ALPL: variants seen among roughly 807,000 people sequenced by gnomAD.
ALPL encodes alkaline phosphatase, tissue-nonspecific isozyme.
In ALPL, 42 loss-of-function variants were observed where a neutral mutation model predicts 51.3. That is an observed-to-expected ratio of 0.82 (90% CI 0.64 to 1.06). The LOEUF is 1.06. Ranked by LOEUF, ALPL falls within the 50% of genes least tolerant of loss-of-function variation. ALPL has a pLI of 0.00. For synonymous variants in ALPL, 279 were observed against 296.4 expected, an observed-to-expected ratio of 0.94 and a Z score of 0.60; for missense variants, 589 against 709.4, an observed-to-expected ratio of 0.83 and a Z score of 1.93.
intron 5 of ALPL, 88 bp downstream of exon 5, chr1:21,563,372 GA>G (rs999836444): frequency 2.1e-4 from 304 of 1,466,448 alleles, no homozygotes; most frequent in Non-Finnish European, 2.5e-4. Flanking sequence ...GAAGGGGCTA[GA>G]AAAGGCTTCT....
At chr1:21,539,095 C>T (rs1320776207) in intron 1 of ALPL, among the ~76,000 whole-genome samples, 2 of 152,190 alleles carry the variant, frequency 1.3e-5, no homozygotes, top group Non-Finnish European at 2.9e-5. Context: ...GCAGAGAGGG[C>T]AAATGGTGGT....
At chr1:21,519,347 C>T (rs545135760) in intron 1 of ALPL, among the ~76,000 whole-genome samples, 3 of 152,236 alleles carry the variant, frequency 2.0e-5, no homozygotes, top group Admixed American at 6.5e-5. Flanking sequence ...GCGGGGCCCG[C>T]GGCCTCTGCG....
chr1:21,513,341 G>A (rs1479127618), intron 1 of ALPL, among the ~76,000 whole-genome samples: 1 of 152,126 alleles, frequency 6.6e-6, no homozygotes, highest in Non-Finnish European at 1.5e-5. Context: ...TGAATTTGGT[G>A]TGTTTCATTT....
At chr1:21,511,745 C>T (rs1370845060) in intron 1 of ALPL, among the ~76,000 whole-genome samples, 1 of 152,206 alleles carries the variant, frequency 6.6e-6, no homozygotes, top group African/African-American at 2.4e-5. Flanking sequence ...TGCCCTCTGC[C>T]TGTTCTTGTG....
At chr1:21,576,952 C>T (rs769291694) in intron 11 of ALPL, among the ~76,000 whole-genome samples, 1 of 152,130 alleles carries the variant, frequency 6.6e-6, no homozygotes, top group African/African-American at 2.4e-5. Flanking sequence ...TAGCATAGTG[C>T]CTGGCACAAG....
intron 5 of ALPL, 151 bp from the exon 6 acceptor site, chr1:21,563,890 C>A: frequency 1.0e-6 from 1 of 1,002,758 alleles, no homozygotes; most frequent in Non-Finnish European, 1.5e-6. Context: ...CTGCCAGACA[C>A]CTGCTGCTGT....
intron 1 of ALPL, among the ~76,000 whole-genome samples, chr1:21,519,259 G>T (rs1371016245): frequency 6.6e-6 from 1 of 152,186 alleles, no homozygotes; most frequent in Non-Finnish European, 1.5e-5. Context: ...CTCATAAAAG[G>T]TTCCTACCCC....
Position 21,573,717 on chromosome 1 carries a change from G to A in ALPL, c.915G>A (p.Thr305=), listed in dbSNP as rs527465409. The change falls in exon 9 of 12, where the codon ACG becomes ACA. Residue 305 remains threonine (T), a synonymous_variant. Transcript: ENST00000374840. ...MQYELNRNNV[T]DPSLSEMVVV... ...ACGAGCTGAACAGGAACAACGTGAC[G>A]GACCCGTCACTCTCCGAGATGGTGG... is the stretch of plus-strand genomic sequence containing the variant. 2.0e-5 allele frequency: 32 copies of A among 1,614,082 alleles called. No homozygotes were observed. The Admixed American group carries it at 2.0e-4, about 10-fold the overall frequency.
At chr1:21,528,571 C>T (rs987139440) in intron 1 of ALPL, among the ~76,000 whole-genome samples, 2 of 151,390 alleles carry the variant, frequency 1.3e-5, no homozygotes, top group Admixed American at 6.6e-5. Context: ...AGACTGGTCT[C>T]GGACTCCTGA....
At chr1:21,560,494 G>A in intron 2 of ALPL, 132 bp from the exon 3 acceptor site, 3 of 1,181,284 alleles carry the variant, frequency 2.5e-6, no homozygotes, top group Non-Finnish European at 3.6e-6. Flanking sequence ...GTGTTGTCTG[G>A]GTGGGCAACT....
intron 1 of ALPL, among the ~76,000 whole-genome samples, chr1:21,528,019 T>G (rs533889792): frequency 1.8e-4 from 27 of 152,072 alleles, no homozygotes; most frequent in African/African-American, 6.5e-4. Context: ...TTTTTTTGTT[T>G]TTTTGTTTTT....
intron 1 of ALPL, among the ~76,000 whole-genome samples, chr1:21,526,552 C>T (rs960725558): frequency 2.0e-5 from 3 of 152,050 alleles, no homozygotes; most frequent in African/African-American, 7.2e-5. Context: ...TTTCTTTGAT[C>T]CTTGAAATTT....
At chr1:21,519,595 A>G (rs1385313857) in intron 1 of ALPL, among the ~76,000 whole-genome samples, 2 of 152,326 alleles carry the variant, frequency 1.3e-5, no homozygotes, top group East Asian at 1.9e-4. Flanking sequence ...TCAGGAGTTC[A>G]AGAACAGCCT....
At chr1:21,560,958 A>G in intron 3 of ALPL, 139 bp from the exon 4 acceptor site, 2 of 989,896 alleles carry the variant, frequency 2.0e-6, no homozygotes, top group East Asian at 2.6e-5. Flanking sequence ...GGGGCTGCTC[A>G]CTGACATTTA....
chr1:21,518,031 T>A (rs74614333), intron 1 of ALPL, among the ~76,000 whole-genome samples: 19,906 of 152,004 alleles, frequency 0.13, 1,736 homozygotes, highest in South Asian at 0.33. Flanking sequence ...CAGTTCAGTG[T>A]CACGGTGCTC....
At chr1:21,543,445 C>T (rs1180662863) in intron 1 of ALPL, among the ~76,000 whole-genome samples, 1 of 151,900 alleles carries the variant, frequency 6.6e-6, no homozygotes, top group Admixed American at 6.6e-5. Flanking sequence ...ATGATAAAGA[C>T]CGGCCGGGCA....
At chr1:21,557,181 T>C (rs1644424976) in intron 2 of ALPL, among the ~76,000 whole-genome samples, 1 of 152,202 alleles carries the variant, frequency 6.6e-6, no homozygotes, top group East Asian at 1.9e-4. Context: ...ATTATGTGGC[T>C]AGAAGTCCCC....
intron 4 of ALPL, among the ~76,000 whole-genome samples, chr1:21,562,763 A>C: frequency 7.5e-6 from 1 of 133,826 alleles, no homozygotes; most frequent in African/African-American, 2.9e-5. Flanking sequence ...TCCCTTCTCC[A>C]GGACTCCCCT....
Position 21,564,226 on chromosome 1 carries a change from CG to C in ALPL, c.648+15del. 1.2e-6 allele frequency: 2 copies of C among 1,612,886 alleles called. No individual in the cohort carries two copies. On this transcript the variant is annotated intron_variant, in intron 6 of 11. Transcript: ENST00000374840. This position sits in a 1 kb window ranked among gnomAD's most constrained non-coding sequence, Gnocchi z 5.8. Reference sequence around the variant, plus strand: ...CATCAGGGACATTGACGTGAGTGCTCGGGGGCAGCCGGGCAGGGACGGGGTG... The same window carrying C: ...CATCAGGGACATTGACGTGAGTGCTCGGGGCAGCCGGGCAGGGACGGGGTG...
Sources: gnomAD v4.1 joint callset for allele counts (sites outside exome capture counted in the v4.1 genomes callset) on GRCh38, gnomAD v4.1.1 for gene constraint, Gnocchi (gnomAD v3.1) non-coding constraint, MANE v1.5 for transcripts, NCBI Gene and HGNC (gene_info 2026-07-23, HGNC 2026-07-21) for gene names.